The following MYH10 variants were observed in gnomAD, a reference collection of about 807,000 sequenced individuals.
The protein encoded by MYH10 is myosin heavy chain 10.
A neutral mutation model predicts 257.8 loss-of-function variants in MYH10; 55 were observed. The observed-to-expected ratio is 0.21, with a 90% CI of 0.17 to 0.27. The LOEUF is 0.27. Ranked by LOEUF, MYH10 falls within the 10% of genes least tolerant of loss-of-function variation. The probability of loss-of-function intolerance (pLI) is 1.00; values close to 1 mark genes in which losing one functional copy is unlikely to be tolerated. For missense variants in MYH10, 1,631 were observed against 2,500.6 expected (o/e 0.65, Z 7.42); for synonymous variants, 854 against 921.7 (o/e 0.93, Z 1.33).
chr17:8,509,720 G>C (rs887677454), intron 25 of MYH10, 92 bp downstream of exon 25: 1 of 1,229,518 alleles, frequency 8.1e-7, no homozygotes, highest in Non-Finnish European at 1.1e-6. Context: ...AGAAATTTCT[G>C]TTTGAGTTCA....
At chr17:8,483,289 C>T (rs746773728) in intron 37 of MYH10, among the ~76,000 whole-genome samples, 2 of 152,086 alleles carry the variant, frequency 1.3e-5, no homozygotes, top group Non-Finnish European at 2.9e-5. Flanking sequence ...AGCTAAGTGT[C>T]CAACTCAAGA....
intron 1 of MYH10, among the ~76,000 whole-genome samples, chr17:8,624,692 A>G (rs148535794): frequency 7.2e-5 from 11 of 152,248 alleles, no homozygotes; most frequent in African/African-American, 2.2e-4. Context: ...TATATGTGCT[A>G]TAACGTTCTC....
At chr17:8,530,538 G>GCCCCCC in intron 17 of MYH10, 85 bp downstream of exon 17, 1 of 271,662 alleles carries the variant, frequency 3.7e-6, no homozygotes, top group South Asian at 4.9e-5. Flanking sequence ...GCCCTCCCCG[G>GCCCCCC]CCACCCTGCC....
Position 8,569,826 on chromosome 17 carries a change from C to T in MYH10, c.664-14G>A, listed in dbSNP as rs2083279590. On this transcript the variant is annotated splice_polypyrimidine_tract_variant and intron_variant, in intron 6 of 42. Transcript: ENST00000360416. The surrounding 1 kb of genome is among the most constrained non-coding windows in gnomAD (Gnocchi z 4.1). ...TTCAAGTTCCCCCTAAAAGACATTA[C>T]ACACACACAAATAAAAGCAGATGTA... 2.6e-6 allele frequency: 4 copies of T among 1,568,090 alleles called. No individual in the cohort carries two copies. The highest frequency in any genetic ancestry group is 2.3e-5 in the East Asian group (1 of 44,222).
intron 3 of MYH10, among the ~76,000 whole-genome samples, chr17:8,592,933 C>CCATATATATATATA (rs1555612260): frequency 0.09 from 4,029 of 44,612 alleles, 1,526 homozygotes; most frequent in Non-Finnish European, 0.13. Flanking sequence ...TCAAATCCAG[C>CCATATATATATATA]TATATATATA....
At chr17:8,609,926 T>C (rs1351793453) in intron 2 of MYH10, among the ~76,000 whole-genome samples, 1 of 149,256 alleles carries the variant, frequency 6.7e-6, no homozygotes, top group African/African-American at 2.4e-5. Context: ...TTGAGAAAAC[T>C]GTGTGTGTGG....
chr17:8,498,510 G>T (rs1255238962), intron 30 of MYH10, among the ~76,000 whole-genome samples: 1 of 152,126 alleles, frequency 6.6e-6, no homozygotes, highest in African/African-American at 2.4e-5. Flanking sequence ...GATACTCACA[G>T]TTTTAAGGCT....
intron 12 of MYH10, among the ~76,000 whole-genome samples, chr17:8,546,196 C>G (rs1333842005): frequency 6.6e-6 from 1 of 151,754 alleles, no homozygotes. Flanking sequence ...GTAGCTGGGA[C>G]TACAGGCGCA....
intron 3 of MYH10, among the ~76,000 whole-genome samples, chr17:8,590,284 A>T (rs961303396): frequency 3.3e-5 from 5 of 152,164 alleles, no homozygotes; most frequent in Admixed American, 1.3e-4. Flanking sequence ...CAAAGAACAC[A>T]GTACTGTCCT....
chr17:8,514,971 C>T (rs1597710090), intron 21 of MYH10, among the ~76,000 whole-genome samples: 3 of 152,168 alleles, frequency 2.0e-5, no homozygotes, highest in South Asian at 4.1e-4. Flanking sequence ...GTCTCCTGGG[C>T]CCCGCTAACA....
intron 1 of MYH10, among the ~76,000 whole-genome samples, chr17:8,625,481 TA>T (rs1206163274): frequency 1.3e-4 from 17 of 128,352 alleles, no homozygotes; most frequent in African/African-American, 6.8e-4. Flanking sequence ...GCCTGAGAAC[TA>T]TTTTTTTTTT....
intron 17 of MYH10, among the ~76,000 whole-genome samples, chr17:8,524,475 A>C (rs2081771148): frequency 8.0e-6 from 1 of 124,352 alleles, no homozygotes; most frequent in African/African-American, 3.2e-5. Context: ...AAAAAAAAAA[A>C]AAAAAAAAAA....
chr17:8,605,782 CTCT>C (rs755831063), intron 2 of MYH10, among the ~76,000 whole-genome samples: 18 of 152,240 alleles, frequency 1.2e-4, no homozygotes, highest in Middle Eastern at 3.4e-3. Context: ...AGAAAAACCA[CTCT>C]TCTTTTTTTC....
At chr17:8,529,197 G>A (rs1393857854) in intron 17 of MYH10, among the ~76,000 whole-genome samples, 3 of 152,302 alleles carry the variant, frequency 2.0e-5, no homozygotes, top group African/African-American at 7.2e-5. Flanking sequence ...AAGCTGCTGG[G>A]GCTGAAAATG....
chr17:8,531,494 C>G (rs890861165), intron 16 of MYH10, among the ~76,000 whole-genome samples: 3 of 151,902 alleles, frequency 2.0e-5, no homozygotes, highest in Non-Finnish European at 4.4e-5. Context: ...AATCTTATTT[C>G]TCCTGGTTTG....
At chr17:8,519,009 T>C (rs1322417886) in intron 19 of MYH10, 59 bp from the exon 20 acceptor site, 10 of 1,334,042 alleles carry the variant, frequency 7.5e-6, no homozygotes, top group Non-Finnish European at 1.1e-5. Context: ...GTGTATCTAC[T>C]AACTGTGTGT....
chr17:8,607,236 A>G lies in MYH10; in HGVS notation c.346-2254T>C, dbSNP rs1597961740. Among the ~76,000 whole-genome samples the G allele has an allele frequency of 4.6e-5, 7 of 152,346 alleles. No homozygotes were observed. The South Asian group carries it at 1.5e-3, about 32-fold the overall frequency. ...TATACTCTTCAATTTTATAAAAGGC[A>G]TGTAATTAGAGACTAGAAAGTAAAA... is the stretch of plus-strand genomic sequence containing the variant. On this transcript the variant is annotated intron_variant, in intron 2 of 42. Transcript: ENST00000360416.
chr17:8,617,412 G>A (rs78257110), intron 2 of MYH10, among the ~76,000 whole-genome samples: 12 of 152,250 alleles, frequency 7.9e-5, no homozygotes, highest in East Asian at 7.7e-4. Flanking sequence ...CATCACTAGT[G>A]CTGAGATACT....
chr17:8,512,886 T>C (rs1567826864), intron 23 of MYH10, among the ~76,000 whole-genome samples: 1 of 152,184 alleles, frequency 6.6e-6, no homozygotes, highest in Non-Finnish European at 1.5e-5. Context: ...CATATTAAAT[T>C]CATGATAGTT....
Sources: gnomAD v4.1 joint callset for allele counts (sites outside exome capture counted in the v4.1 genomes callset) on GRCh38, gnomAD v4.1.1 for gene constraint, Gnocchi (gnomAD v3.1) non-coding constraint, MANE v1.5 for transcripts, NCBI Gene and HGNC (gene_info 2026-07-23, HGNC 2026-07-21) for gene names.